Variants in MDGA2 observed in about 807,000 individuals in gnomAD.
MDGA2 encodes MAM domain containing glycosylphosphatidylinositol anchor 2, also known as MAM domain-containing glycosylphosphatidylinositol anchor protein 2.
A neutral mutation model predicts 117.8 loss-of-function variants in MDGA2; 40 were observed. The ratio of observed to expected loss-of-function variants is 0.34; its 90% CI spans 0.26 to 0.44. MDGA2 has a LOEUF of 0.44. Ranked by LOEUF, MDGA2 falls within the 20% of genes least tolerant of loss-of-function variation. The pLI, the probability that MDGA2 is intolerant of heterozygous loss-of-function variation, is 1.00. For missense variants in MDGA2, 1,123 were observed against 1,250.6 expected, an observed-to-expected ratio of 0.90 and a Z score of 1.54; for synonymous variants, 452 against 439.0, an observed-to-expected ratio of 1.03 and a Z score of -0.37.
intron 2 of MDGA2, among the ~76,000 whole-genome samples, chr14:47,294,497 T>A (rs10483580): frequency 0.091 from 13,852 of 152,064 alleles, 775 homozygotes; most frequent in Non-Finnish European, 0.11. Context: ...TTATTTTAGT[T>A]GGAAACTCTC....
In MDGA2 at chr14:47,154,882, G is replaced by C. The variant is rs184833006; in HGVS notation, c.596-10608C>G. Reference sequence around the variant, plus strand: ...TTCAAACCATGGACTCTGTAGCATGGGGCCTAGGCTGCCAGTTCCCCCTAC... The same window carrying C: ...TTCAAACCATGGACTCTGTAGCATGCGGCCTAGGCTGCCAGTTCCCCCTAC... On this transcript the variant is annotated intron_variant, in intron 3 of 16. Coordinates refer to ENST00000399232, the MANE Select transcript of MDGA2 (RefSeq NM_001113498.3). 2.4e-4 allele frequency among the ~76,000 whole-genome samples: 37 copies of C among 152,272 alleles called. No homozygotes were observed. In the East Asian group the frequency reaches 7.0e-3, roughly 29 times the overall value.
chr14:47,166,034 T>A (rs931347156), intron 3 of MDGA2, among the ~76,000 whole-genome samples: 1 of 35,258 alleles, frequency 2.8e-5, no homozygotes, highest in Non-Finnish European at 6.2e-5. Flanking sequence ...CACTGTTTAC[T>A]TTTTTTTTTT....
chr14:47,091,207 C>G (rs980575659), intron 6 of MDGA2, among the ~76,000 whole-genome samples: 1 of 152,032 alleles, frequency 6.6e-6, no homozygotes, highest in African/African-American at 2.4e-5. Flanking sequence ...GAAAAGAAAT[C>G]TAATATGAGC....
In MDGA2 at chr14:47,096,896, C is replaced by T. The variant is rs1880004596; in HGVS notation, c.1153G>A (p.Val385Met). Residue 385 changes from valine to methionine, a missense_variant, in exon 6 of 17, where the codon GTG becomes ATG. Coordinates refer to ENST00000399232, the MANE Select transcript of MDGA2 (RefSeq NM_001113498.3). ...GTGGACTTTTTTGCAGGGTTTCCCA[C>T]ATTATTATTGGCAATGCAGCTGTAA... ...GTYSCIANNN[V>M]GNPAKKSTNI... 1.9e-6 allele frequency: 3 copies of T among 1,613,226 alleles called. No individual in the cohort carries two copies. The highest frequency in any genetic ancestry group is 2.5e-6 in the Non-Finnish European group (3 of 1,179,398).
At chr14:47,114,494 G>C (rs1486268775) in intron 5 of MDGA2, among the ~76,000 whole-genome samples, 7 of 152,102 alleles carry the variant, frequency 4.6e-5, no homozygotes, top group Non-Finnish European at 1.0e-4. Flanking sequence ...AACAAAGCTG[G>C]AGGCATCACA....
chr14:46,910,888 C>A (rs1883673191), intron 10 of MDGA2, among the ~76,000 whole-genome samples: 1 of 152,062 alleles, frequency 6.6e-6, no homozygotes, highest in Non-Finnish European at 1.5e-5. Flanking sequence ...CAAATAAATG[C>A]AGGAATAGAA....
intron 1 of MDGA2, among the ~76,000 whole-genome samples, chr14:47,652,633 T>C (rs1044765845): frequency 6.6e-5 from 10 of 152,152 alleles, no homozygotes; most frequent in African/African-American, 1.7e-4. Context: ...TATATAATTA[T>C]TTGCTGAGTT....
chr14:47,082,400 T>C (rs1311101046), intron 6 of MDGA2, among the ~76,000 whole-genome samples: 2 of 151,502 alleles, frequency 1.3e-5, no homozygotes, highest in South Asian at 2.1e-4. Context: ...CTATTTCAGG[T>C]ATACAGCTGT....
chr14:47,138,689 A>C (rs1882573072), intron 4 of MDGA2, among the ~76,000 whole-genome samples: 2 of 152,086 alleles, frequency 1.3e-5, no homozygotes, highest in South Asian at 4.1e-4. Context: ...TAGAACTTTA[A>C]AAAAATTATA....
chr14:47,593,797 G>A (rs1321316088), intron 1 of MDGA2, among the ~76,000 whole-genome samples: 2 of 152,086 alleles, frequency 1.3e-5, no homozygotes, highest in African/African-American at 4.8e-5. Flanking sequence ...GTGAAGGGCT[G>A]ATCTGTGCAG....
intron 1 of MDGA2, among the ~76,000 whole-genome samples, chr14:47,529,106 C>A (rs892280762): frequency 1.1e-4 from 16 of 151,918 alleles, no homozygotes; most frequent in African/African-American, 3.9e-4. Flanking sequence ...TCACACCATT[C>A]TCCTGTCTCA....
In MDGA2 at chr14:46,882,100, G is replaced by A; in HGVS notation, c.2360C>T (p.Thr787Ile). The A allele has an allele frequency of 3.7e-6, 6 of 1,611,598 alleles. 1 individual carries two copies. The highest frequency in any genetic ancestry group is 2.2e-5 in the South Asian group (2 of 90,842). ...TCCTTCACCAAATTTGGTGAGAGGA[G>A]TCAGTCGGACTTCATAAGCTTCTGG... ...IKPEAYEVRL[T>I]PLTKFGEGDS... is the part of the protein sequence containing the mutation. Residue 787 changes from threonine (T) to isoleucine (I), a missense_variant, in exon 11 of 17, where the codon ACT (threonine) becomes ATT (isoleucine). Thr to Ile is a moderately conservative substitution (Grantham distance 89). Around this residue, in one of 2 missense-constraint regions of MDGA2, gnomAD observed 890 missense variants for 1,050.3 expected, o/e 0.85. Coordinates refer to ENST00000399232, the MANE Select transcript of MDGA2 (RefSeq NM_001113498.3).
intron 7 of MDGA2, among the ~76,000 whole-genome samples, chr14:47,049,280 G>T (rs1889370584): frequency 1.3e-5 from 2 of 151,976 alleles, no homozygotes; most frequent in African/African-American, 4.8e-5. Context: ...ATATTCACAG[G>T]ACATGGAGAT....
At chr14:47,140,385 A>G (rs1012422537) in intron 4 of MDGA2, among the ~76,000 whole-genome samples, 10 of 152,134 alleles carry the variant, frequency 6.6e-5, no homozygotes, top group Non-Finnish European at 1.3e-4. Flanking sequence ...AGCAATTTTG[A>G]GCAAAAACAA....
rs892047586 is a variant in MDGA2 at position 47,187,667 on chromosome 14, AT to A, written c.595+30353del. On this transcript the variant is annotated intron_variant, in intron 3 of 16. Transcript: ENST00000399232. ...ATTGTTTCCTCTTTAAAAGTTTTGGATTTTTTGGCTGTTATGAACAATGCAC... is the reference window on the plus strand; with the variant it reads ...ATTGTTTCCTCTTTAAAAGTTTTGGATTTTTGGCTGTTATGAACAATGCAC... 6.6e-5 allele frequency among the ~76,000 whole-genome samples: 10 copies of A among 152,136 alleles called. No individual in the cohort carries two copies. The South Asian group carries it at 8.3e-4, about 13-fold the overall frequency.
At chr14:47,547,529 G>T (rs535330715) in intron 1 of MDGA2, among the ~76,000 whole-genome samples, 1 of 152,152 alleles carries the variant, frequency 6.6e-6, no homozygotes, top group Non-Finnish European at 1.5e-5. Flanking sequence ...GACAGGAGTT[G>T]GGAATCAGTC....
intron 4 of MDGA2, among the ~76,000 whole-genome samples, chr14:47,132,508 T>C (rs1187158550): frequency 1.3e-5 from 2 of 151,864 alleles, no homozygotes; most frequent in Non-Finnish European, 2.9e-5. Context: ...CAACTGTAGA[T>C]AGATGCAAAT....
chr14:47,319,860 G>C (rs2139870966), intron 1 of MDGA2, among the ~76,000 whole-genome samples: 1 of 152,252 alleles, frequency 6.6e-6, no homozygotes, highest in East Asian at 1.9e-4. Context: ...AATTCAAAAT[G>C]TGAGTTTATT....
At chr14:47,215,366 T>C (rs1442334516) in intron 3 of MDGA2, among the ~76,000 whole-genome samples, 2 of 152,118 alleles carry the variant, frequency 1.3e-5, no homozygotes, top group African/African-American at 4.8e-5. Context: ...GACACCAGCA[T>C]TGCCATATTT....
Sources: gnomAD v4.1 joint callset for allele counts (sites outside exome capture counted in the v4.1 genomes callset) on GRCh38, gnomAD v4.1.1 for gene constraint, gnomAD v4.1.1 regional missense constraint, MANE v1.5 for transcripts, NCBI Gene and HGNC (gene_info 2026-07-23, HGNC 2026-07-21) for gene names.